The following PER3 variants were observed in gnomAD, a reference collection of about 807,000 sequenced individuals.
PER3 encodes period circadian regulator 3.
A neutral mutation model predicts 127.2 loss-of-function variants in PER3; 107 were observed. The ratio of observed to expected loss-of-function variants is 0.84; its 90% CI spans 0.72 to 0.99. The LOEUF (loss-of-function observed/expected upper bound fraction) is 0.99, where lower values mean the gene tolerates loss of function less well. Among genes scored for constraint, PER3 ranks in the 50% least tolerant of loss-of-function variants. The pLI is 0.00. For synonymous variants in PER3, 618 were observed against 585.8 expected (o/e 1.05, Z -0.79); for missense variants, 1,560 against 1,525.8 (o/e 1.02, Z -0.37).
At chr1:7,799,230 G>A (rs1220009894) in intron 7 of PER3, among the ~76,000 whole-genome samples, 1 of 152,144 alleles carries the variant, frequency 6.6e-6, no homozygotes, top group African/African-American at 2.4e-5. Flanking sequence ...AAAAACCACA[G>A]GGCTTATGGG....
In PER3 at chr1:7,785,449, A is replaced by G; in HGVS notation, c.137A>G (p.Gln46Arg). ...KLADSSHSEQ[Q>R]DRNRVSEELI... ...TTTTTTTTATCTTCCAGTGAACAGC[A>G]AGATCGAAACAGAGTTTCTGAAGAA... The change falls in exon 3 of 22, where the codon CAA becomes CGA. Residue 46 changes from glutamine (Q) to arginine (R), a missense_variant. This residue lies in a region of PER3 where 1,332 missense variants were observed against 1,223.6 expected (regional missense o/e 1.09). Transcript: ENST00000377532. 1 of 1,612,496 alleles carries G rather than the reference A, an allele frequency of 6.2e-7. No homozygotes were observed. Among genetic ancestry groups the G allele is most frequent in the Non-Finnish European group, 8.5e-7 (1 of 1,178,574 alleles).
In PER3 at chr1:7,803,785, C is replaced by A. The variant is rs774739639; in HGVS notation, c.1073C>A (p.Ser358Tyr). 6.2e-7 allele frequency: 1 copy of A among 1,613,584 alleles called. No individual in the cohort carries two copies. Among genetic ancestry groups the A allele is most frequent in the Non-Finnish European group, 8.5e-7 (1 of 1,179,542 alleles). Reference sequence around the variant, plus strand: ...TACATCATACTGGATTCCAGTTGGTCCAGCTTTGTGAATCCCTGGAGCCGG... The same window carrying A: ...TACATCATACTGGATTCCAGTTGGTACAGCTTTGTGAATCCCTGGAGCCGG... ...GDYIILDSSW[S>Y]SFVNPWSRKI... Residue 358 changes from serine (S) to tyrosine (Y), a missense_variant, in exon 10 of 22, where the codon TCC becomes TAC. Coordinates refer to ENST00000377532, the MANE Select transcript of PER3 (RefSeq NM_001377275.1).
At chr1:7,840,795 A>G (rs1394219493) in intron 21 of PER3, among the ~76,000 whole-genome samples, 1 of 149,060 alleles carries the variant, frequency 6.7e-6, no homozygotes, top group Non-Finnish European at 1.5e-5. Flanking sequence ...TTTCCCAGAG[A>G]TGGAGCCTCA....
chr1:7,813,841 A>T (rs1172614962), intron 13 of PER3, among the ~76,000 whole-genome samples: 1 of 152,228 alleles, frequency 6.6e-6, no homozygotes, highest in Non-Finnish European at 1.5e-5. Context: ...CTCCCAAGAG[A>T]CAAAACCATC....
At position 7,826,833 on chromosome 1, in the gene PER3, C is replaced by G; in HGVS notation, c.2188+123C>G. 2 of 656,944 alleles carry G rather than the reference C, an allele frequency of 3.0e-6. No homozygotes were observed. The highest frequency in any genetic ancestry group is 2.7e-5 in the Admixed American group (1 of 37,610). 40.7% of individuals were successfully genotyped at this position (656,944 alleles called of 1,614,324 possible). On this transcript the variant is annotated intron_variant, in intron 17 of 21. Transcript: ENST00000377532. This position sits in a 1 kb window ranked among gnomAD's most constrained non-coding sequence, Gnocchi z 4.2. ...CTTGTAAGAAACTGATGGAGAGATG[C>G]TGAAACAATCTATTTACATCAACAG...
At chr1:7,813,687 T>G (rs1021996308) in intron 13 of PER3, among the ~76,000 whole-genome samples, 3 of 152,146 alleles carry the variant, frequency 2.0e-5, no homozygotes, top group African/African-American at 7.2e-5. Flanking sequence ...ACCATTACAA[T>G]ACTCAAACCT....
intron 7 of PER3, among the ~76,000 whole-genome samples, chr1:7,799,411 TG>T (rs2097159986): frequency 6.6e-6 from 1 of 152,096 alleles, no homozygotes; most frequent in Non-Finnish European, 1.5e-5. Flanking sequence ...GAGACCAGCC[TG>T]GCCAACGTGA....
intron 13 of PER3, among the ~76,000 whole-genome samples, chr1:7,812,721 G>C (rs1402327670): frequency 1.3e-5 from 2 of 150,984 alleles, no homozygotes; most frequent in Non-Finnish European, 2.9e-5. Context: ...TCCTTAGATA[G>C]ATTCTTACAT....
At chr1:7,787,670 G>T in intron 4 of PER3, 1 of 327,888 alleles carries the variant, frequency 3.0e-6, no homozygotes, top group Non-Finnish European at 5.9e-6. Flanking sequence ...GTCAAGGACA[G>T]CTTCTTGAAG....
chr1:7,801,728 G>C (rs2097171558), intron 8 of PER3, among the ~76,000 whole-genome samples: 2 of 152,140 alleles, frequency 1.3e-5, no homozygotes, highest in South Asian at 2.1e-4. Flanking sequence ...TTATTTAAAG[G>C]ATAGTGATAG....
chr1:7,803,939 C>A, intron 10 of PER3, 91 bp downstream of exon 10: 1 of 1,014,074 alleles, frequency 9.9e-7, no homozygotes, highest in Non-Finnish European at 1.5e-6. Flanking sequence ...TCAATTGACA[C>A]ATAAACTAAA....
intron 16 of PER3, among the ~76,000 whole-genome samples, chr1:7,822,901 A>G (rs2097283973): frequency 6.6e-6 from 1 of 152,098 alleles, no homozygotes; most frequent in Non-Finnish European, 1.5e-5. Context: ...TCTACAAAAA[A>G]TGTTTAAATT....
chr1:7,789,915 T>C (rs572041364), intron 5 of PER3, among the ~76,000 whole-genome samples: 13 of 152,234 alleles, frequency 8.5e-5, no homozygotes, highest in Non-Finnish European at 1.8e-4. Flanking sequence ...TCATCCCCTT[T>C]CCTAAATACA....
Position 7,784,821 on chromosome 1 carries a change from C to T in PER3, c.-57C>T. 9 of 1,390,110 alleles carry T rather than the reference C, an allele frequency of 6.5e-6. No homozygotes were observed. The highest frequency in any genetic ancestry group is 2.6e-4 in the Middle Eastern group (1 of 3,838). The allele number at this position is 1,390,110 out of a possible 1,614,324, so 86.1% of individuals were successfully genotyped here. Reference sequence around the variant, plus strand: ...TGTCTGTCACTGACTGCAAAGTGAGCGAGAAGCAGGCTGCGGGCCGTCCCA... The same window carrying T: ...TGTCTGTCACTGACTGCAAAGTGAGTGAGAAGCAGGCTGCGGGCCGTCCCA... On this transcript the variant is annotated 5_prime_UTR_variant, in exon 2 of 22. Coordinates refer to ENST00000377532, the MANE Select transcript of PER3 (RefSeq NM_001377275.1).
rs373129102 is a variant in PER3 at position 7,794,575 on chromosome 1, T to C, written c.644+567T>C. ...AACTCTAGGAGTGTATAAGAATCAC[T>C]AGATGTGAAGTACACTTTAAAATGA... On this transcript the variant is annotated intron_variant, in intron 6 of 21. Coordinates refer to ENST00000377532, the MANE Select transcript of PER3 (RefSeq NM_001377275.1). 2.0e-4 allele frequency among the ~76,000 whole-genome samples: 30 copies of C among 152,332 alleles called. No homozygotes were observed. In the East Asian group the frequency reaches 3.3e-3, roughly 17 times the overall value.
chr1:7,816,224 G>C (rs2097250774), intron 13 of PER3, among the ~76,000 whole-genome samples: 1 of 151,948 alleles, frequency 6.6e-6, no homozygotes, highest in Non-Finnish European at 1.5e-5. Context: ...ATAAAGACCA[G>C]ATATCAATGG....
At position 7,784,952 on chromosome 1, in the gene PER3, G is replaced by GC; in HGVS notation, c.76dup (p.Arg26ProfsTer19). ...AGGCCCTGGGCGAAGAATCGGGGGA[G>GC]CGGTGGAGCCCCGAGTTCCATCTGC... On this transcript the variant is annotated frameshift_variant, in exon 2 of 22. Transcript: ENST00000377532. LOFTEE classifies it high-confidence loss of function. The GC allele has an allele frequency of 6.5e-7, 1 of 1,546,144 alleles. No individual in the cohort carries two copies. The highest frequency in any genetic ancestry group is 1.2e-5 in the South Asian group (1 of 80,678).
At chr1:7,838,822 C>A (rs759917016) in intron 21 of PER3, among the ~76,000 whole-genome samples, 1 of 152,216 alleles carries the variant, frequency 6.6e-6, no homozygotes, top group African/African-American at 2.4e-5. Context: ...CTTTCACTTT[C>A]AACCTATCTG....
intron 16 of PER3, among the ~76,000 whole-genome samples, chr1:7,824,282 C>CA (rs1558453317): frequency 6.6e-6 from 1 of 152,038 alleles, no homozygotes; most frequent in Non-Finnish European, 1.5e-5. Context: ...AAGCAAAAAT[C>CA]GACAAAATAG....
Sources: allele counts gnomAD v4.1 joint callset (sites outside exome capture counted in the v4.1 genomes callset), GRCh38; gene constraint gnomAD v4.1.1; regional missense constraint gnomAD v4.1.1; non-coding constraint Gnocchi (gnomAD v3.1); transcripts MANE v1.5; gene names NCBI Gene and HGNC (gene_info 2026-07-23, HGNC 2026-07-21).